Variants in PREPL observed in about 807,000 individuals in gnomAD.
PREPL encodes the protein prolyl endopeptidase like, also known as prolyl endopeptidase-like.
In PREPL, 77 loss-of-function variants were observed where a neutral mutation model predicts 70.6. The observed-to-expected ratio is 1.09, with a 90% CI of 0.91 to 1.32. The LOEUF (loss-of-function observed/expected upper bound fraction) is 1.32. Ranked by LOEUF, PREPL falls within the 40% of genes most tolerant of loss-of-function variation. The pLI is 0.00. For synonymous variants in PREPL, 315 were observed against 264.8 expected, an observed-to-expected ratio of 1.19 and a Z score of -1.84; for missense variants, 1,002 against 778.2, an observed-to-expected ratio of 1.29 and a Z score of -3.42.
Position 44,320,990 on chromosome 2 carries a change from C to T in PREPL, c.*366G>A. On this transcript the variant is annotated 3_prime_UTR_variant, in exon 14 of 14. Transcript: ENST00000409411. ...TAGAAATTAGAGGATGACTCACTGC[C>T]ACAGTGTCTAAAAGCATTTGCTAGC... is the stretch of plus-strand genomic sequence containing the variant. 2.5e-6 allele frequency: 1 copy of T among 396,652 alleles called. No individual in the cohort carries two copies. Among genetic ancestry groups the T allele is most frequent in the South Asian group, 2.6e-5 (1 of 39,014 alleles). The allele number at this position is 396,652 out of a possible 1,614,324, so 24.6% of individuals were successfully genotyped here.
chr2:44,344,825 A>C (rs1675613086), intron 2 of PREPL, among the ~76,000 whole-genome samples: 1 of 152,242 alleles, frequency 6.6e-6, no homozygotes, highest in Admixed American at 6.5e-5. Context: ...GAGGCAATAA[A>C]GAAAAGGTAT....
intron 7 of PREPL, among the ~76,000 whole-genome samples, chr2:44,337,744 T>A (rs894058372): frequency 1.1e-4 from 16 of 152,316 alleles, no homozygotes; most frequent in Admixed American, 1.3e-4. Context: ...GAAGGCAGGT[T>A]ATCTTTCCTG....
Position 44,320,216 on chromosome 2 carries a change from C to T in PREPL, c.*1140G>A, listed in dbSNP as rs1271599156. On this transcript the variant is annotated 3_prime_UTR_variant, in exon 14 of 14. Transcript: ENST00000409411. ...AAAAATAGGTCCAAAAGACTCAGCCCAGATCGGCTTTGAAGTTATATCAAG... is the reference window on the plus strand; with the variant it reads ...AAAAATAGGTCCAAAAGACTCAGCCTAGATCGGCTTTGAAGTTATATCAAG... 3 of 1,613,666 alleles carry T rather than the reference C, an allele frequency of 1.9e-6. No individual in the cohort carries two copies. Among genetic ancestry groups the T allele is most frequent in the Non-Finnish European group, 2.5e-6 (3 of 1,179,698 alleles).
chr2:44,342,654 G>A, intron 4 of PREPL, 102 bp from the exon 5 acceptor site: 3 of 919,784 alleles, frequency 3.3e-6, no homozygotes, highest in South Asian at 1.8e-5. Flanking sequence ...GTGAGAACAT[G>A]TGCAAGTTTA....
chr2:44,321,716 A>T, intron 13 of PREPL, 111 bp downstream of exon 13: 1 of 1,595,832 alleles, frequency 6.3e-7, no homozygotes. Context: ...ACCCATAGAT[A>T]GGACATTTGT....
In PREPL at chr2:44,331,954, T is replaced by C. The variant is rs963640172; in HGVS notation, c.1086+505A>G. Among the ~76,000 whole-genome samples the C allele has an allele frequency of 5.2e-4, 78 of 150,724 alleles. 2 individuals carry two copies. Among genetic ancestry groups the C allele is most frequent in the Admixed American group, 1.2e-3 (18 of 15,180 alleles). Reference sequence around the variant, plus strand: ...GACATGCTATAAATTTTCTTTTTTTTTTTTTTTTTTGAGACGGAGTCTTGC... The same window carrying C: ...GACATGCTATAAATTTTCTTTTTTTCTTTTTTTTTTGAGACGGAGTCTTGC... On this transcript the variant is annotated intron_variant, in intron 8 of 13. Transcript: ENST00000409411.
chr2:44,344,184 T>A (rs1162170569), intron 3 of PREPL, among the ~76,000 whole-genome samples: 2 of 152,176 alleles, frequency 1.3e-5, no homozygotes, highest in African/African-American at 4.8e-5. Flanking sequence ...TATTTGATAT[T>A]GTTATAGTCT....
At position 44,346,186 on chromosome 2, in the gene PREPL, T is replaced by C. The variant is rs576164314; in HGVS notation, c.75+82A>G. ...AGCAGTATAATCTTGATGTGGACTA[T>C]GTCTCTAAATCACCAAGTATCTCAT... On this transcript the variant is annotated intron_variant, in intron 2 of 13. Coordinates refer to ENST00000409411, the MANE Select transcript of PREPL (RefSeq NM_001171613.2). 349 of 1,325,480 alleles carry C rather than the reference T, an allele frequency of 2.6e-4. 5 individuals are homozygous for C. The highest frequency in any genetic ancestry group is 4.8e-5 in the Non-Finnish European group (46 of 949,032). 82.1% of individuals were successfully genotyped at this position (1,325,480 alleles called of 1,614,324 possible).
intron 1 of PREPL, 51 bp from the exon 2 acceptor site, chr2:44,346,441 CT>C: frequency 6.3e-7 from 1 of 1,575,132 alleles, no homozygotes; most frequent in Non-Finnish European, 8.6e-7. Context: ...GGAAAAAAAA[CT>C]TTTGCTTTTT....
intron 1 of PREPL, among the ~76,000 whole-genome samples, chr2:44,353,398 A>G (rs1159646785): frequency 1.3e-5 from 2 of 152,038 alleles, no homozygotes; most frequent in Non-Finnish European, 2.9e-5. Context: ...CAGCCTGGCC[A>G]ACATGGTGAA....
At position 44,346,391 on chromosome 2, in the gene PREPL, C is replaced by G. The variant is rs765929365; in HGVS notation, c.-48-1G>C. 1 of 1,608,952 alleles carries G rather than the reference C, an allele frequency of 6.2e-7. No homozygotes were observed. The highest frequency in any genetic ancestry group is 8.5e-7 in the Non-Finnish European group (1 of 1,178,662). ...TTTCTTGTTTAACAGGCTGAAGATC[C>G]TGGAAAAAGTTTTGTTATGATCAAA... On this transcript the variant is annotated splice_acceptor_variant, in intron 1 of 13. Coordinates refer to ENST00000409411, the MANE Select transcript of PREPL (RefSeq NM_001171613.2). LOFTEE classifies it low-confidence loss of function (5UTR_SPLICE).
chr2:44,332,689 A>G lies in PREPL; in HGVS notation c.889-33T>C, dbSNP rs746607548. 3 of 1,503,266 alleles carry G rather than the reference A, an allele frequency of 2.0e-6. No individual in the cohort carries two copies. In the Admixed American group the frequency reaches 5.8e-5, roughly 29 times the overall value. 93.1% of individuals were successfully genotyped at this position (1,503,266 alleles called of 1,614,324 possible). The stretch of plus-strand genomic sequence containing the variant: ...AATACAACAGCTATTTTTATTCTTT[A>G]TTTAGGCCACCAAGTATCATTAATT... On this transcript the variant is annotated intron_variant, in intron 7 of 13. Transcript: ENST00000409411.
At chr2:44,353,524 G>A (rs890012015) in intron 1 of PREPL, among the ~76,000 whole-genome samples, 2 of 151,876 alleles carry the variant, frequency 1.3e-5, no homozygotes, top group Non-Finnish European at 2.9e-5. Context: ...GGAGGCAGAG[G>A]TTGCAGTGAG....
chr2:44,355,591 T>C (rs1676942606), intron 1 of PREPL, among the ~76,000 whole-genome samples: 1 of 152,076 alleles, frequency 6.6e-6, no homozygotes, highest in South Asian at 2.1e-4. Context: ...TCTTCACTCA[T>C]CTGAGTTACT....
At chr2:44,348,083 T>A (rs1189000345) in intron 1 of PREPL, among the ~76,000 whole-genome samples, 2 of 152,090 alleles carry the variant, frequency 1.3e-5, no homozygotes, top group Non-Finnish European at 2.9e-5. Context: ...AGAGACAGGG[T>A]CTCACTATGT....
At chr2:44,341,823 A>G (rs1675259875) in intron 5 of PREPL, among the ~76,000 whole-genome samples, 1 of 151,992 alleles carries the variant, frequency 6.6e-6, no homozygotes, top group Non-Finnish European at 1.5e-5. Context: ...TTGATACCCA[A>G]TTGAAACCAT....
At chr2:44,359,636 T>A in intron 1 of PREPL, 2 of 1,612,810 alleles carry the variant, frequency 1.2e-6, no homozygotes, top group East Asian at 4.5e-5. Flanking sequence ...GTGATTCAAA[T>A]GCTGTTTCTG....
Position 44,332,461 on chromosome 2 carries a change from T to C in PREPL, c.1084A>G (p.Lys362Glu), listed in dbSNP as rs146886697. 49 of 1,611,140 alleles carry C rather than the reference T, an allele frequency of 3.0e-5. No individual in the cohort carries two copies. The highest frequency in any genetic ancestry group is 3.9e-5 in the Non-Finnish European group (46 of 1,177,426). The change falls in exon 8 of 14, where the codon AAG becomes GAG. Residue 362 changes from lysine to glutamate, a missense_variant and splice_region_variant. Physicochemically the swap from Lys to Glu is moderately conservative, Grantham distance 56. Coordinates refer to ENST00000409411, the MANE Select transcript of PREPL (RefSeq NM_001171613.2). ...SRVLRLEAKS[K>E]DGKLVPMTVF... ...AAAGTGAAGATTATAAGACCTACCTTGCTTTTGGCTTCTAGACGTAAAACG... is the reference window on the plus strand; with the variant it reads ...AAAGTGAAGATTATAAGACCTACCTCGCTTTTGGCTTCTAGACGTAAAACG...
At position 44,343,746 on chromosome 2, in the gene PREPL, A is replaced by C. The variant is rs768746948; in HGVS notation, c.348T>G (p.Phe116Leu). 1.4e-5 allele frequency: 22 copies of C among 1,612,768 alleles called. 2 individuals are homozygous for C. In the South Asian group the frequency reaches 2.4e-4, roughly 18 times the overall value. ...MEASFPNVSS[F>L]EWVKDEEDED... ...GGACTATTTTGGTTGGTGGCTTACC[A>C]AAACTGGACACATTCGGGAAAGAAG... Residue 116 changes from phenylalanine to leucine, a missense_variant and splice_region_variant, in exon 4 of 14, where the codon TTT (phenylalanine) becomes TTG (leucine). Phe to Leu is a conservative substitution (Grantham distance 22). Transcript: ENST00000409411.
Sources: gnomAD v4.1 joint callset for allele counts (sites outside exome capture counted in the v4.1 genomes callset) on GRCh38, gnomAD v4.1.1 for gene constraint, MANE v1.5 for transcripts, NCBI Gene and HGNC (gene_info 2026-07-23, HGNC 2026-07-21) for gene names.